The following CCDC186 variants were observed in gnomAD, a reference collection of about 807,000 sequenced individuals.
CCDC186 encodes the protein coiled-coil domain containing 186, also known as coiled-coil domain-containing protein 186.
In CCDC186, 49 loss-of-function variants were observed where a neutral mutation model predicts 113.7. The ratio of observed to expected loss-of-function variants is 0.43; its 90% CI spans 0.34 to 0.55. The LOEUF is 0.55. Ranked by LOEUF, CCDC186 falls within the 20% of genes least tolerant of loss-of-function variation. The probability of loss-of-function intolerance (pLI) is 0.02; values close to 1 mark genes in which losing one functional copy is unlikely to be tolerated. For synonymous variants in CCDC186, 355 were observed against 345.8 expected (o/e 1.03, Z -0.30); for missense variants, 890 against 1,011.1 (o/e 0.88, Z 1.62).
chr10:114,159,387 T>C (rs774693949), intron 2 of CCDC186, among the ~76,000 whole-genome samples: 23 of 152,152 alleles, frequency 1.5e-4, no homozygotes, highest in Admixed American at 5.2e-4. Flanking sequence ...ATTAAGAATT[T>C]TGGTCCCAGC....
At chr10:114,137,139 A>AT in intron 7 of CCDC186, 47 bp downstream of exon 7, 1 of 1,412,932 alleles carries the variant, frequency 7.1e-7, no homozygotes, top group Non-Finnish European at 1.0e-6. Flanking sequence ...GAGAGAACTG[A>AT]TATTTGCTAA....
In CCDC186 at chr10:114,168,204, A is replaced by G. The variant is rs577585942; in HGVS notation, c.-61-4875T>C. 2.6e-5 allele frequency: 4 copies of G among 152,266 alleles called. No homozygotes were observed. In the East Asian group the frequency reaches 7.7e-4, roughly 29 times the overall value. 9.4% of individuals were successfully genotyped at this position (152,266 alleles called of 1,614,324 possible). A position where few individuals can be genotyped will look rare whatever the true frequency, so the allele number is the denominator to read the frequency against. ...CAGGACCAATTCACACTTCGAAATC[A>G]TTTCAGTGGGTGAGAACTGGTTTCG... is the stretch of plus-strand genomic sequence containing the variant. On this transcript the variant is annotated intron_variant, in intron 1 of 15. Transcript: ENST00000369287.
At chr10:114,148,974 T>C (rs975940725) in intron 4 of CCDC186, among the ~76,000 whole-genome samples, 8 of 152,224 alleles carry the variant, frequency 5.3e-5, no homozygotes, top group South Asian at 2.1e-4. Context: ...TTAGTGACAA[T>C]AGATGAAAGA....
intron 3 of CCDC186, among the ~76,000 whole-genome samples, chr10:114,155,043 G>A (rs753160837): frequency 2.0e-5 from 3 of 152,158 alleles, no homozygotes; most frequent in Non-Finnish European, 4.4e-5. Flanking sequence ...AATATATAGA[G>A]ACCGAAAGAT....
intron 4 of CCDC186, among the ~76,000 whole-genome samples, chr10:114,150,457 CAT>C (rs1296304294): frequency 6.6e-6 from 1 of 151,998 alleles, no homozygotes; most frequent in Non-Finnish European, 1.5e-5. Context: ...TACAAATAAA[CAT>C]GTGTGACTTG....
intron 10 of CCDC186, 110 bp downstream of exon 10, chr10:114,134,803 T>C: frequency 8.7e-7 from 1 of 1,153,130 alleles, no homozygotes; most frequent in South Asian, 1.4e-5. Context: ...AAATTTCAGC[T>C]AGTAAAATTG....
intron 1 of CCDC186, among the ~76,000 whole-genome samples, chr10:114,172,769 C>T (rs996503762): frequency 2.0e-5 from 3 of 152,132 alleles, no homozygotes; most frequent in Non-Finnish European, 4.4e-5. Flanking sequence ...AAAAATGAAC[C>T]TAGCCAATCA....
intron 2 of CCDC186, among the ~76,000 whole-genome samples, chr10:114,158,246 T>C (rs2032067947): frequency 6.6e-6 from 1 of 152,218 alleles, no homozygotes; most frequent in Admixed American, 6.5e-5. Flanking sequence ...ATTTTAATGA[T>C]AGTCTAATAG....
intron 13 of CCDC186, among the ~76,000 whole-genome samples, chr10:114,129,002 C>T (rs2031000959): frequency 6.6e-6 from 1 of 152,014 alleles, no homozygotes; most frequent in Non-Finnish European, 1.5e-5. Context: ...AAAGCAGCAG[C>T]AGGCTAGAAA....
At chr10:114,157,848 G>C (rs1199063286) in intron 2 of CCDC186, among the ~76,000 whole-genome samples, 168 bp from the exon 3 acceptor site, 4 of 152,096 alleles carry the variant, frequency 2.6e-5, no homozygotes, top group Admixed American at 2.0e-4. Flanking sequence ...ATAATACTTT[G>C]CAAAAGATTC....
chr10:114,162,574 T>C (rs1463249765), intron 2 of CCDC186, 63 bp downstream of exon 2: 16 of 1,240,008 alleles, frequency 1.3e-5, no homozygotes, highest in South Asian at 3.3e-5. Context: ...CTTTAAAGAA[T>C]TTTATCTCGA....
At chr10:114,173,152 C>T (rs1234024718) in intron 1 of CCDC186, 6 of 455,012 alleles carry the variant, frequency 1.3e-5, no homozygotes, top group South Asian at 6.2e-5. Context: ...TGGGACTGTA[C>T]TGCGTATTTT....
chr10:114,151,258 A>G, intron 3 of CCDC186, 38 bp from the exon 4 acceptor site: 6 of 1,359,760 alleles, frequency 4.4e-6, no homozygotes, highest in Non-Finnish European at 6.2e-6. Context: ...TTTTATAGCT[A>G]TACCAAATAC....
At chr10:114,155,558 C>T (rs1277529059) in intron 3 of CCDC186, among the ~76,000 whole-genome samples, 1 of 152,034 alleles carries the variant, frequency 6.6e-6, no homozygotes, top group East Asian at 1.9e-4. Flanking sequence ...CCCTGTAATC[C>T]CAGCTTCTCA....
rs192737718 is a variant in CCDC186 at position 114,131,123 on chromosome 10, T to C, written c.2101+24A>G. The stretch of plus-strand genomic sequence containing the variant: ...TTAAAAGAAACAAACACATTCATGG[T>C]CTAAGTGTGGAAGAATTTTATACCT... On this transcript the variant is annotated intron_variant, in intron 12 of 15. Coordinates refer to ENST00000369287, the MANE Select transcript of CCDC186 (RefSeq NM_018017.4). 55 of 1,440,622 alleles carry C rather than the reference T, an allele frequency of 3.8e-5. No homozygotes were observed. The African/African-American group carries it at 6.6e-4, about 17-fold the overall frequency. 89.2% of individuals were successfully genotyped at this position (1,440,622 alleles called of 1,614,324 possible).
intron 6 of CCDC186, among the ~76,000 whole-genome samples, chr10:114,141,666 C>T (rs549816458): frequency 3.9e-5 from 6 of 152,196 alleles, no homozygotes; most frequent in African/African-American, 7.2e-5. Context: ...CATACACGCA[C>T]GCACGCACAC....
intron 3 of CCDC186, among the ~76,000 whole-genome samples, chr10:114,154,174 G>A (rs146175636): frequency 2.7e-3 from 395 of 145,032 alleles, no homozygotes; most frequent in African/African-American, 9.5e-3. Context: ...TCGCAACATC[G>A]CACTCCAGCC....
chr10:114,166,425 T>C (rs560532059), intron 1 of CCDC186, among the ~76,000 whole-genome samples: 4 of 152,328 alleles, frequency 2.6e-5, no homozygotes, highest in African/African-American at 4.8e-5. Context: ...TCATCACAAG[T>C]ACAAAAATAG....
rs537499969 is a variant in CCDC186, at chr10:114,127,257, C to G, written c.2393+204G>C. Among the ~76,000 whole-genome samples, 7 of 152,192 alleles carry G rather than the reference C, an allele frequency of 4.6e-5. No homozygotes were observed. The South Asian group carries it at 1.5e-3, about 32-fold the overall frequency. ...TTAACACTGACTGAACTCTCTATCA[C>G]CTTAAAGGAAAGACGTGTTTTATTT... On this transcript the variant is annotated intron_variant, in intron 14 of 15. Coordinates refer to ENST00000369287, the MANE Select transcript of CCDC186 (RefSeq NM_018017.4).
Sources: allele counts gnomAD v4.1 joint callset (sites outside exome capture counted in the v4.1 genomes callset), GRCh38; gene constraint gnomAD v4.1.1; transcripts MANE v1.5; gene names NCBI Gene and HGNC (gene_info 2026-07-23, HGNC 2026-07-21).